The following GRIA2 variants were observed in gnomAD, a reference collection of about 807,000 sequenced individuals.
GRIA2 encodes glutamate receptor 2.
Under a neutral mutation model 97.3 loss-of-function variants are expected in GRIA2, and 14 were observed. That is an observed-to-expected ratio of 0.14 (90% CI 0.10 to 0.23). GRIA2 has a LOEUF of 0.23. GRIA2 is among the 10% of genes least tolerant of loss of function. GRIA2 has a pLI of 1.00. For missense variants in GRIA2, 558 were observed against 1,069.8 expected, an observed-to-expected ratio of 0.52 and a Z score of 6.67; for synonymous variants, 412 against 387.8, an observed-to-expected ratio of 1.06 and a Z score of -0.73.
At chr4:157,225,092 G>A (rs1729683066) in intron 2 of GRIA2, among the ~76,000 whole-genome samples, 2 of 152,070 alleles carry the variant, frequency 1.3e-5, no homozygotes, top group South Asian at 4.1e-4. Flanking sequence ...AAATGTTGAA[G>A]TGGACGTTGA....
chr4:157,279,397 C>A (rs1444529220), intron 2 of GRIA2, among the ~76,000 whole-genome samples: 1 of 152,028 alleles, frequency 6.6e-6, no homozygotes, highest in Non-Finnish European at 1.5e-5. Flanking sequence ...AAAGGAAAAA[C>A]TAGGAAGACA....
chr4:157,354,495 C>T (rs1017908986), intron 12 of GRIA2, among the ~76,000 whole-genome samples: 1 of 152,088 alleles, frequency 6.6e-6, no homozygotes, highest in African/African-American at 2.4e-5. Flanking sequence ...CTATTAATAA[C>T]ACAAAACCAT....
chr4:157,254,132 A>G (rs1274255811), intron 2 of GRIA2, among the ~76,000 whole-genome samples: 1 of 152,008 alleles, frequency 6.6e-6, no homozygotes, highest in Non-Finnish European at 1.5e-5. Flanking sequence ...ATTATACTCT[A>G]AGGATAAAGG....
intron 6 of GRIA2, among the ~76,000 whole-genome samples, chr4:157,323,291 C>T (rs1396840780): frequency 2.2e-5 from 3 of 135,010 alleles, no homozygotes; most frequent in South Asian, 2.4e-4. Context: ...GCCGAGATCG[C>T]GCCACTGCAC....
chr4:157,358,101 G>T (rs1736471643), intron 12 of GRIA2, among the ~76,000 whole-genome samples: 2 of 152,006 alleles, frequency 1.3e-5, no homozygotes, highest in South Asian at 4.1e-4. Context: ...GTTTTTGTGA[G>T]AATTCACATT....
chr4:157,361,626 T>C lies in GRIA2; in HGVS notation c.2406+502T>C, dbSNP rs1736634799. 6.2e-7 allele frequency: 1 copy of C among 1,612,216 alleles called. No individual in the cohort carries two copies. The highest frequency in any genetic ancestry group is 8.5e-7 in the Non-Finnish European group (1 of 1,178,576). On this transcript the variant is annotated intron_variant, in intron 14 of 15. Transcript: ENST00000264426. The surrounding 1 kb of genome is among the most constrained non-coding windows in gnomAD (Gnocchi z 5.2). Reference sequence around the variant, plus strand: ...CAAATGGTGGTACGATAAAGGTGAATGTGGAGCCAAGGACTCTGGAAGTAA... The same window carrying C: ...CAAATGGTGGTACGATAAAGGTGAACGTGGAGCCAAGGACTCTGGAAGTAA...
intron 13 of GRIA2, among the ~76,000 whole-genome samples, chr4:157,360,549 A>G (rs1030068309): frequency 1.3e-5 from 2 of 152,176 alleles, no homozygotes; most frequent in African/African-American, 4.8e-5. Context: ...AACTGAAATA[A>G]CTAACTGAGA....
chr4:157,348,205 A>G (rs1735846323), intron 12 of GRIA2, among the ~76,000 whole-genome samples: 1 of 152,178 alleles, frequency 6.6e-6, no homozygotes, highest in South Asian at 2.1e-4. Flanking sequence ...GTGATTAGCC[A>G]AAGCAAAGAA....
At chr4:157,308,561 C>T (rs1422197458) in intron 3 of GRIA2, among the ~76,000 whole-genome samples, 1 of 152,072 alleles carries the variant, frequency 6.6e-6, no homozygotes, top group Admixed American at 6.6e-5. Flanking sequence ...TTAAGTAATT[C>T]AATAAAAATA....
chr4:157,230,833 GA>G (rs1729978675), intron 2 of GRIA2, among the ~76,000 whole-genome samples: 1 of 151,724 alleles, frequency 6.6e-6, no homozygotes, highest in Admixed American at 6.6e-5. Context: ...ATTTGGTTTT[GA>G]TTTTTTTTCC....
intron 2 of GRIA2, among the ~76,000 whole-genome samples, chr4:157,222,865 G>C (rs543262345): frequency 6.6e-6 from 1 of 152,190 alleles, no homozygotes; most frequent in South Asian, 2.1e-4. Flanking sequence ...CGGTCCCCGC[G>C]CTCGCTCCCC....
At chr4:157,310,092 T>C (rs1376418170) in intron 3 of GRIA2, among the ~76,000 whole-genome samples, 1 of 152,204 alleles carries the variant, frequency 6.6e-6, no homozygotes, top group Non-Finnish European at 1.5e-5. Flanking sequence ...TGTTTTCAAG[T>C]ACATTGATAG....
intron 2 of GRIA2, among the ~76,000 whole-genome samples, chr4:157,296,113 T>C (rs1211828892): frequency 6.6e-6 from 1 of 152,124 alleles, no homozygotes; most frequent in African/African-American, 2.4e-5. Context: ...GGTACAAACT[T>C]CTCCACTTAC....
At chr4:157,302,143 A>G (rs933516553) in intron 2 of GRIA2, among the ~76,000 whole-genome samples, 1 of 148,508 alleles carries the variant, frequency 6.7e-6, no homozygotes, top group Non-Finnish European at 1.5e-5. Flanking sequence ...ACTGCACTGC[A>G]CTCCAGCCTG....
chr4:157,271,958 G>T (rs1423231436), intron 2 of GRIA2, among the ~76,000 whole-genome samples: 1 of 151,952 alleles, frequency 6.6e-6, no homozygotes, highest in Non-Finnish European at 1.5e-5. Context: ...TTTAGAACTG[G>T]AAAAAAGGAC....
At chr4:157,332,167 T>C (rs1735078215) in intron 6 of GRIA2, among the ~76,000 whole-genome samples, 2 of 152,076 alleles carry the variant, frequency 1.3e-5, no homozygotes, top group South Asian at 4.1e-4. Flanking sequence ...CCCTAGAACC[T>C]GTAATAATTC....
At chr4:157,241,913 G>T (rs535646103) in intron 2 of GRIA2, among the ~76,000 whole-genome samples, 3 of 151,968 alleles carry the variant, frequency 2.0e-5, no homozygotes, top group Non-Finnish European at 4.4e-5. Flanking sequence ...AACAACTTAG[G>T]CAATGGCATA....
intron 2 of GRIA2, among the ~76,000 whole-genome samples, chr4:157,240,702 CTT>C (rs113008910): frequency 4.6e-4 from 68 of 146,824 alleles, no homozygotes; most frequent in African/African-American, 1.5e-3. Context: ...AAGTTACTTT[CTT>C]TTTTTTTTTC....
At chr4:157,301,724 A>G (rs1733623261) in intron 2 of GRIA2, among the ~76,000 whole-genome samples, 1 of 151,860 alleles carries the variant, frequency 6.6e-6, no homozygotes, top group African/African-American at 2.4e-5. Context: ...ACAATGATAT[A>G]AGATAGGGTT....
Sources: allele counts gnomAD v4.1 joint callset (sites outside exome capture counted in the v4.1 genomes callset), GRCh38; gene constraint gnomAD v4.1.1; non-coding constraint Gnocchi (gnomAD v3.1); transcripts MANE v1.5; gene names NCBI Gene and HGNC (gene_info 2026-07-23, HGNC 2026-07-21).